The following PTPRD variants were observed in gnomAD, a reference collection of about 807,000 sequenced individuals.
PTPRD encodes the protein protein tyrosine phosphatase receptor type D.
PTPRD carries 34 observed loss-of-function variants against 214.5 expected under a neutral mutation model. The observed-to-expected ratio is 0.16, with a 90% CI of 0.12 to 0.21. The LOEUF is 0.21. PTPRD is among the 10% of genes least tolerant of loss of function. The pLI is 1.00. For missense variants in PTPRD, 2,545 were observed against 2,398.7 expected (o/e 1.06, Z -1.27); for synonymous variants, 1,128 against 845.7 (o/e 1.33, Z -5.79).
chr9:9,767,739 TATGA>T (rs1377326103), intron 5 of PTPRD, among the ~76,000 whole-genome samples: 1 of 152,134 alleles, frequency 6.6e-6, no homozygotes, highest in Non-Finnish European at 1.5e-5. Context: ...AATTTTTTGC[TATGA>T]ATGAAAAATA....
At chr9:8,779,444 A>G (rs1298712131) in intron 11 of PTPRD, among the ~76,000 whole-genome samples, 1 of 152,026 alleles carries the variant, frequency 6.6e-6, no homozygotes, top group Non-Finnish European at 1.5e-5. Context: ...AATAAAACCT[A>G]ATGTGTCGTC....
At chr9:9,608,726 G>A (rs1592909958) in intron 7 of PTPRD, among the ~76,000 whole-genome samples, 1 of 152,278 alleles carries the variant, frequency 6.6e-6, no homozygotes, top group Non-Finnish European at 1.5e-5. Flanking sequence ...TGACAGCTGT[G>A]GCACACAAGC....
Position 8,921,178 on chromosome 9 carries a change from C to T in PTPRD, c.-104+97519G>A, listed in dbSNP as rs142636728. Among the ~76,000 whole-genome samples, 1,013 of 152,288 alleles carry T rather than the reference C, an allele frequency of 6.7e-3. 4 individuals carry two copies. The highest frequency in any genetic ancestry group is 8.7e-3 in the Non-Finnish European group (591 of 68,028). ...AAACCTGCCACTGGAATCTGTGAGG[C>T]TATTCATTGACACATTAGAAGATAG... On this transcript the variant is annotated intron_variant, in intron 11 of 45. Coordinates refer to ENST00000381196, the MANE Select transcript of PTPRD (RefSeq NM_002839.4).
chr9:10,069,292 G>A (rs2097946383), intron 3 of PTPRD, among the ~76,000 whole-genome samples: 1 of 151,950 alleles, frequency 6.6e-6, no homozygotes, highest in African/African-American at 2.4e-5. Flanking sequence ...TCATTACTAA[G>A]CAGAGTGCAA....
intron 10 of PTPRD, among the ~76,000 whole-genome samples, chr9:9,148,082 T>A (rs1489722333): frequency 2.0e-5 from 3 of 152,234 alleles, no homozygotes; most frequent in Non-Finnish European, 4.4e-5. Flanking sequence ...TTATTTAGCT[T>A]TTGTATTGCA....
chr9:8,874,511 C>A (rs74952756), intron 11 of PTPRD, among the ~76,000 whole-genome samples: 8 of 152,134 alleles, frequency 5.3e-5, no homozygotes, highest in African/African-American at 1.9e-4. Context: ...TCTCTTCACT[C>A]TGCACCTCCC....
intron 12 of PTPRD, among the ~76,000 whole-genome samples, chr9:8,645,181 C>A (rs2096661084): frequency 1.3e-5 from 2 of 152,164 alleles, no homozygotes; most frequent in Non-Finnish European, 2.9e-5. Flanking sequence ...TTTTCACTAG[C>A]TAAGTGAGAA....
intron 9 of PTPRD, among the ~76,000 whole-genome samples, chr9:9,362,479 T>C (rs2056532798): frequency 6.6e-6 from 1 of 151,198 alleles, no homozygotes; most frequent in Non-Finnish European, 1.5e-5. Flanking sequence ...ATGAAATGTA[T>C]GAGAGCAAGA....
rs192417136 is a variant in PTPRD, at chr9:9,776,252, T to A, written c.-367-9401A>T. On this transcript the variant is annotated intron_variant, in intron 5 of 45. Coordinates refer to ENST00000381196, the MANE Select transcript of PTPRD (RefSeq NM_002839.4). ...TACCCTTTTCCTGTTTATCCTCCTA[T>A]CTAAAACTCTACTGAGGCTAATTCT... Among the ~76,000 whole-genome samples, 4 of 152,318 alleles carry A rather than the reference T, an allele frequency of 2.6e-5. No individual in the cohort carries two copies. The East Asian group carries it at 5.8e-4, about 22-fold the overall frequency.
chr9:10,480,012 T>C (rs753325280), intron 2 of PTPRD, among the ~76,000 whole-genome samples: 2 of 152,142 alleles, frequency 1.3e-5, no homozygotes, highest in African/African-American at 4.8e-5. Flanking sequence ...GCAAGCTTTA[T>C]CAGGAAGATA....
intron 5 of PTPRD, among the ~76,000 whole-genome samples, chr9:9,877,269 C>T (rs972392342): frequency 2.0e-5 from 3 of 152,040 alleles, no homozygotes; most frequent in Non-Finnish European, 4.4e-5. Context: ...GACCCAAGAA[C>T]AACTGTCTTG....
At chr9:9,613,194 G>C (rs561256541) in intron 7 of PTPRD, among the ~76,000 whole-genome samples, 227 of 124,196 alleles carry the variant, frequency 1.8e-3, no homozygotes, top group African/African-American at 6.7e-3. Context: ...TATGAAGCAT[G>C]TGGAATAATT....
chr9:8,497,160 C>A, intron 26 of PTPRD, 82 bp downstream of exon 26: 1 of 1,209,602 alleles, frequency 8.3e-7, no homozygotes. Context: ...ACTGTGATGA[C>A]AGATCACAAA....
chr9:8,754,354 A>T (rs2093797082), intron 11 of PTPRD, among the ~76,000 whole-genome samples: 1 of 152,208 alleles, frequency 6.6e-6, no homozygotes, highest in Non-Finnish European at 1.5e-5. Context: ...AGTTACCAAG[A>T]CTTATTATAA....
intron 6 of PTPRD, among the ~76,000 whole-genome samples, chr9:9,750,430 C>A (rs556833319): frequency 5.9e-5 from 9 of 152,230 alleles, no homozygotes; most frequent in Admixed American, 2.6e-4. Flanking sequence ...TGCCTCTACC[C>A]CACATTCTCT....
intron 6 of PTPRD, among the ~76,000 whole-genome samples, chr9:9,735,327 T>C (rs936558013): frequency 6.6e-6 from 1 of 152,110 alleles, no homozygotes; most frequent in Non-Finnish European, 1.5e-5. Flanking sequence ...ATTATTATTA[T>C]AAAATAAAGG....
At chr9:10,508,314 G>A (rs1566612389) in intron 2 of PTPRD, among the ~76,000 whole-genome samples, 2 of 152,152 alleles carry the variant, frequency 1.3e-5, no homozygotes, top group East Asian at 1.9e-4. Flanking sequence ...TGGAGAGGAT[G>A]TGGAGAAATA....
intron 44 of PTPRD, among the ~76,000 whole-genome samples, chr9:8,331,250 G>T (rs963763081): frequency 2.6e-5 from 4 of 152,024 alleles, no homozygotes; most frequent in African/African-American, 9.7e-5. Context: ...GCATTGCTAT[G>T]AAAGCAAAAG....
chr9:9,943,358 C>T lies in PTPRD; in HGVS notation c.-471-4748G>A, dbSNP rs570604691. On this transcript the variant is annotated intron_variant, in intron 4 of 45. Transcript: ENST00000381196. ...TCAGATTAAAAGGGCTATCATCACT[C>T]TCTGGAATTTTTAGTATTCAATGTA... is the stretch of plus-strand genomic sequence containing the variant. 1.6e-4 allele frequency among the ~76,000 whole-genome samples: 25 copies of T among 152,196 alleles called. 1 individual carries two copies. The South Asian group carries it at 5.2e-3, about 32-fold the overall frequency.
Sources: allele counts gnomAD v4.1 joint callset (sites outside exome capture counted in the v4.1 genomes callset), GRCh38; gene constraint gnomAD v4.1.1; transcripts MANE v1.5; gene names NCBI Gene and HGNC (gene_info 2026-07-23, HGNC 2026-07-21).